The following CWF19L2 variants were observed in gnomAD, a reference collection of about 807,000 sequenced individuals.
The protein encoded by CWF19L2 is CWF19-like protein 2.
CWF19L2 carries 98 observed loss-of-function variants against 111.7 expected under a neutral mutation model. The ratio of observed to expected loss-of-function variants is 0.88; its 90% CI spans 0.75 to 1.04. CWF19L2 has a LOEUF of 1.04. CWF19L2 is among the 50% of genes least tolerant of loss of function. The pLI is 0.00. For missense variants in CWF19L2, 1,101 were observed against 1,051.4 expected (o/e 1.05, Z -0.65); for synonymous variants, 351 against 342.9 (o/e 1.02, Z -0.26).
intron 8 of CWF19L2, among the ~76,000 whole-genome samples, chr11:107,422,433 A>G (rs972470382): frequency 3.9e-5 from 6 of 152,012 alleles, no homozygotes; most frequent in Non-Finnish European, 8.8e-5. Context: ...AGTGGAGAGC[A>G]GGGGTGTGGG....
At chr11:107,454,724 T>C (rs1264855691) in intron 2 of CWF19L2, among the ~76,000 whole-genome samples, 152 bp from the exon 3 acceptor site, 1 of 152,180 alleles carries the variant, frequency 6.6e-6, no homozygotes, top group Non-Finnish European at 1.5e-5. Flanking sequence ...ATAAAATCTT[T>C]CAGGAAATCT....
chr11:107,371,475 T>C (rs978963353), intron 12 of CWF19L2, among the ~76,000 whole-genome samples: 2 of 122,320 alleles, frequency 1.6e-5, no homozygotes, highest in South Asian at 5.5e-4. Flanking sequence ...ATGTATTCAA[T>C]ATTTAAAGTA....
At chr11:107,456,865 G>C (rs909159130) in intron 1 of CWF19L2, among the ~76,000 whole-genome samples, 4 of 152,112 alleles carry the variant, frequency 2.6e-5, no homozygotes, top group African/African-American at 9.7e-5. Flanking sequence ...GGAGAATGGG[G>C]CTGCTTCACC....
chr11:107,412,940 C>G (rs1459896600), intron 10 of CWF19L2, among the ~76,000 whole-genome samples: 1 of 152,070 alleles, frequency 6.6e-6, no homozygotes, highest in Non-Finnish European at 1.5e-5. Context: ...ACTATGGAGA[C>G]TAAAAAGATC....
At chr11:107,410,393 A>C (rs769155798) in intron 10 of CWF19L2, among the ~76,000 whole-genome samples, 1 of 152,164 alleles carries the variant, frequency 6.6e-6, no homozygotes, top group African/African-American at 2.4e-5. Flanking sequence ...TGTTTTATAC[A>C]TATATATACT....
intron 8 of CWF19L2, among the ~76,000 whole-genome samples, chr11:107,424,149 C>T (rs1329645900): frequency 6.6e-6 from 1 of 151,180 alleles, no homozygotes; most frequent in Non-Finnish European, 1.5e-5. Flanking sequence ...CAAATTTCTC[C>T]CTTGTCACCC....
rs1052308029 is a variant in CWF19L2, at chr11:107,369,405, A to T, written c.1873-15669T>A. Among the ~76,000 whole-genome samples, 6 of 137,772 alleles carry T rather than the reference A, an allele frequency of 4.4e-5. 2 individuals are homozygous for T. Among genetic ancestry groups the T allele is most frequent in the African/African-American group, 1.2e-4 (4 of 34,592 alleles). 90.4% of individuals were successfully genotyped at this position (137,772 alleles called of 152,430 possible). ...GTTGCATTTGGAACAAAAATACAAAAGCTAGGCTACAATCCATAAACATTT... is the reference window on the plus strand; with the variant it reads ...GTTGCATTTGGAACAAAAATACAAATGCTAGGCTACAATCCATAAACATTT... On this transcript the variant is annotated intron_variant, in intron 12 of 17. Coordinates refer to ENST00000282251, the MANE Select transcript of CWF19L2 (RefSeq NM_152434.3).
At chr11:107,433,986 A>G (rs1057238352) in intron 6 of CWF19L2, among the ~76,000 whole-genome samples, 2 of 149,226 alleles carry the variant, frequency 1.3e-5, no homozygotes, top group African/African-American at 4.9e-5. Flanking sequence ...AAATAAAACT[A>G]TAAGAAAATT....
In CWF19L2 at chr11:107,428,812, A is replaced by T. The variant is rs955445715; in HGVS notation, c.1420T>A (p.Ser474Thr). The change falls in exon 8 of 18, where the codon TCT becomes ACT. Residue 474 changes from serine to threonine, a missense_variant. Ser to Thr is a moderately conservative substitution (Grantham distance 58). Transcript: ENST00000282251. ...PKKEHLRDTK[S>T]TFAGSPERES... ...ATGATAAAATACCCAGCAAATGTAGACTTTGTATCCCGTAGATGTTCTTTT... is the reference window on the plus strand; with the variant it reads ...ATGATAAAATACCCAGCAAATGTAGTCTTTGTATCCCGTAGATGTTCTTTT... 5.6e-6 allele frequency: 9 copies of T among 1,603,682 alleles called. No individual in the cohort carries two copies. The highest frequency in any genetic ancestry group is 7.6e-6 in the Non-Finnish European group (9 of 1,176,698).
chr11:107,386,396 G>A (rs992695796), intron 12 of CWF19L2, among the ~76,000 whole-genome samples: 1 of 152,096 alleles, frequency 6.6e-6, no homozygotes, highest in African/African-American at 2.4e-5. Context: ...TTGATGGATG[G>A]TAATCAGCTC....
At chr11:107,351,758 A>G (rs1204727789) in intron 13 of CWF19L2, among the ~76,000 whole-genome samples, 3 of 152,180 alleles carry the variant, frequency 2.0e-5, no homozygotes, top group African/African-American at 7.2e-5. Context: ...CATAAGGGCC[A>G]CAGAATATGG....
chr11:107,402,110 A>C (rs1341030917), intron 10 of CWF19L2, among the ~76,000 whole-genome samples: 1 of 152,224 alleles, frequency 6.6e-6, no homozygotes, highest in Non-Finnish European at 1.5e-5. Context: ...TAAACCTAAG[A>C]CCTGAAACTA....
At chr11:107,436,969 C>T (rs1861549740) in intron 6 of CWF19L2, among the ~76,000 whole-genome samples, 1 of 152,106 alleles carries the variant, frequency 6.6e-6, no homozygotes, top group Non-Finnish European at 1.5e-5. Flanking sequence ...CAAATATTCC[C>T]ATTACTAAAA....
At chr11:107,340,001 C>T (rs1049673892) in intron 14 of CWF19L2, among the ~76,000 whole-genome samples, 3 of 152,104 alleles carry the variant, frequency 2.0e-5, no homozygotes, top group African/African-American at 7.2e-5. Context: ...ACTGTTTTGA[C>T]ATTCTAGATA....
chr11:107,425,212 ACAC>A (rs1861357977), intron 8 of CWF19L2, among the ~76,000 whole-genome samples: 1 of 151,470 alleles, frequency 6.6e-6, no homozygotes, highest in Non-Finnish European at 1.5e-5. Context: ...ACACACACAC[ACAC>A]AAAGAGGTTG....
intron 10 of CWF19L2, among the ~76,000 whole-genome samples, chr11:107,406,682 T>C (rs1861082717): frequency 6.6e-6 from 1 of 150,846 alleles, no homozygotes. Flanking sequence ...TATTGTGTTT[T>C]CCTTTTTTTT....
chr11:107,354,228 T>C (rs1860202605), intron 12 of CWF19L2, among the ~76,000 whole-genome samples: 1 of 152,106 alleles, frequency 6.6e-6, no homozygotes. Flanking sequence ...TGTACCTCCT[T>C]AGGTAGTTAT....
At chr11:107,374,222 C>G (rs1348154636) in intron 12 of CWF19L2, among the ~76,000 whole-genome samples, 1 of 127,100 alleles carries the variant, frequency 7.9e-6, no homozygotes, top group African/African-American at 3.5e-5. Context: ...GAGAACTTCC[C>G]CAAACTAGCA....
intron 14 of CWF19L2, among the ~76,000 whole-genome samples, chr11:107,344,978 G>T (rs1173387068): frequency 6.6e-6 from 1 of 152,128 alleles, no homozygotes; most frequent in African/African-American, 2.4e-5. Flanking sequence ...GTAGCAGGTG[G>T]GAGTGCTAGG....
Sources: allele counts gnomAD v4.1 joint callset (sites outside exome capture counted in the v4.1 genomes callset), GRCh38; gene constraint gnomAD v4.1.1; transcripts MANE v1.5; gene names NCBI Gene and HGNC (gene_info 2026-07-23, HGNC 2026-07-21).